The following LARGE1 variants were observed in gnomAD, a reference collection of about 807,000 sequenced individuals.
The protein encoded by LARGE1 is xylosyl- and glucuronyltransferase LARGE1.
In LARGE1, 43 loss-of-function variants were observed where a neutral mutation model predicts 87.6. The observed-to-expected ratio is 0.49, with a 90% confidence interval of 0.38 to 0.63. The LOEUF (loss-of-function observed/expected upper bound fraction) is 0.63, where lower values mean the gene tolerates loss of function less well. Ranked by LOEUF, LARGE1 falls within the 30% of genes least tolerant of loss-of-function variation. The probability of loss-of-function intolerance (pLI) is 0.00; values close to 1 mark genes in which losing one functional copy is unlikely to be tolerated. For missense variants in LARGE1, 802 were observed against 1,000.2 expected (o/e 0.80, Z 2.67); for synonymous variants, 434 against 394.6 (o/e 1.10, Z -1.18).
Position 33,789,346 on chromosome 22 carries a change from A to G in LARGE1, c.-82-27788T>C, listed in dbSNP as rs555881146. ...GCCTGGATTTCACAGGATGTATGGA[A>G]ATGCCTGGATGTCCAGGCAGATGTC... On this transcript the variant is annotated intron_variant, in intron 1 of 14. Transcript: ENST00000397394. 2.6e-5 allele frequency among the ~76,000 whole-genome samples: 4 copies of G among 152,348 alleles called. No homozygotes were observed. The South Asian group carries it at 8.3e-4, about 32-fold the overall frequency.
At chr22:33,545,264 C>CTTTTT (rs57882316) in intron 6 of LARGE1, among the ~76,000 whole-genome samples, 5 of 132,050 alleles carry the variant, frequency 3.8e-5, no homozygotes, top group Admixed American at 7.7e-5. Flanking sequence ...CTTTCCTTTT[C>CTTTTT]TTTTTTTTTT....
At chr22:33,842,663 C>T (rs1442286742) in intron 1 of LARGE1, among the ~76,000 whole-genome samples, 3 of 152,182 alleles carry the variant, frequency 2.0e-5, no homozygotes, top group Non-Finnish European at 4.4e-5. Flanking sequence ...ACATTCAGCC[C>T]AGCACTGCCC....
At chr22:33,710,053 C>T (rs2082686466) in intron 2 of LARGE1, among the ~76,000 whole-genome samples, 1 of 151,314 alleles carries the variant, frequency 6.6e-6, no homozygotes, top group Admixed American at 6.6e-5. Context: ...TCTATGTTCC[C>T]ACTTGGAAAA....
the LARGE1 span, among the ~76,000 whole-genome samples, chr22:33,109,827 C>T: frequency 6.6e-6 from 1 of 152,182 alleles, no homozygotes; most frequent in African/African-American, 2.4e-5. Flanking sequence ...TCCTCTCCTT[C>T]TTGCTCCCGC....
At chr22:33,428,761 A>T (rs1425786106) in intron 7 of LARGE1, among the ~76,000 whole-genome samples, 168 of 138,278 alleles carry the variant, frequency 1.2e-3, no homozygotes, top group African/African-American at 4.4e-3. Context: ...TCACTACTAA[A>T]AAAAAAAAAA....
chr22:33,569,787 A>G (rs975492704), intron 5 of LARGE1, among the ~76,000 whole-genome samples: 3 of 152,204 alleles, frequency 2.0e-5, no homozygotes, highest in African/African-American at 7.2e-5. Flanking sequence ...CCAGCACAGC[A>G]TGTTATCCTG....
At chr22:33,200,730 A>G (rs1466886129) in intron 11 of LARGE1, among the ~76,000 whole-genome samples, 8 of 152,216 alleles carry the variant, frequency 5.3e-5, no homozygotes, top group African/African-American at 1.9e-4. Flanking sequence ...GTTGTGATTC[A>G]ACTTATATAA....
At chr22:33,139,136 T>C in the LARGE1 span, among the ~76,000 whole-genome samples, 1 of 152,158 alleles carries the variant, frequency 6.6e-6, no homozygotes, top group East Asian at 1.9e-4. Context: ...CGTGGAACTG[T>C]AAGTCCAATT....
chr22:33,825,401 C>T (rs937316998), intron 1 of LARGE1, among the ~76,000 whole-genome samples: 3 of 132,558 alleles, frequency 2.3e-5, no homozygotes, highest in Non-Finnish European at 3.3e-5. Flanking sequence ...TAAAGACATA[C>T]CCGAGACTGG....
the LARGE1 span, among the ~76,000 whole-genome samples, chr22:33,113,033 A>G: frequency 4.5e-4 from 69 of 152,260 alleles, 1 homozygote; most frequent in South Asian, 0.014. Context: ...TGCTCAGAGA[A>G]ATGACATGTT....
the LARGE1 span, among the ~76,000 whole-genome samples, chr22:33,100,779 T>C: frequency 2.0e-5 from 3 of 152,194 alleles, no homozygotes; most frequent in Admixed American, 2.0e-4. Context: ...AGAGATTGCA[T>C]CTTGTTCTCC....
intron 10 of LARGE1, among the ~76,000 whole-genome samples, chr22:33,324,596 G>A (rs1937080691): frequency 6.6e-6 from 1 of 152,180 alleles, no homozygotes; most frequent in African/African-American, 2.4e-5. Context: ...TGGCCCGTTA[G>A]GCAGTTTGCA....
chr22:33,288,438 AAG>A (rs1931936311), intron 12 of LARGE1, among the ~76,000 whole-genome samples: 1 of 152,178 alleles, frequency 6.6e-6, no homozygotes, highest in African/African-American at 2.4e-5. Context: ...CCAATCCCTT[AAG>A]CTCTGTCAAT....
chr22:33,290,330 C>T (rs1433015996), intron 12 of LARGE1, among the ~76,000 whole-genome samples: 1 of 152,208 alleles, frequency 6.6e-6, no homozygotes. Context: ...ACTTCACCTC[C>T]TCGGAGTCAC....
chr22:33,789,436 T>C (rs187655651), intron 1 of LARGE1, among the ~76,000 whole-genome samples: 41 of 152,252 alleles, frequency 2.7e-4, no homozygotes, highest in African/African-American at 8.2e-4. Flanking sequence ...AAATGTGGGG[T>C]TGGATCCCCC....
chr22:33,718,668 T>A (rs916555366), intron 2 of LARGE1, among the ~76,000 whole-genome samples: 3 of 152,256 alleles, frequency 2.0e-5, no homozygotes, highest in African/African-American at 7.2e-5. Flanking sequence ...TGCACGTTCA[T>A]GCCCCTGAAG....
chr22:33,704,164 G>A (rs1343009315), intron 2 of LARGE1, among the ~76,000 whole-genome samples: 1 of 152,136 alleles, frequency 6.6e-6, no homozygotes, highest in Non-Finnish European at 1.5e-5. Flanking sequence ...TGTAATTACT[G>A]TATAAAACAA....
intron 11 of LARGE1, among the ~76,000 whole-genome samples, chr22:33,221,080 C>T (rs903822853): frequency 7.9e-5 from 12 of 152,034 alleles, no homozygotes; most frequent in Admixed American, 5.9e-4. Context: ...ACACACCTGA[C>T]GGCAAAAGCA....
intron 5 of LARGE1, among the ~76,000 whole-genome samples, chr22:33,574,345 A>C (rs1213163524): frequency 6.6e-6 from 1 of 152,188 alleles, no homozygotes; most frequent in Admixed American, 6.5e-5. Flanking sequence ...TCTCTAGATT[A>C]CTTATAACAC....
Sources: gnomAD v4.1 joint callset for allele counts (sites outside exome capture counted in the v4.1 genomes callset) on GRCh38, gnomAD v4.1.1 for gene constraint, MANE v1.5 for transcripts, NCBI Gene and HGNC (gene_info 2026-07-23, HGNC 2026-07-21) for gene names.